The following SSH2 variants were observed in gnomAD, a reference collection of about 807,000 sequenced individuals.
SSH2 encodes the protein protein phosphatase Slingshot homolog 2.
SSH2 carries 37 observed loss-of-function variants against 135.2 expected under a neutral mutation model. The ratio of observed to expected loss-of-function variants is 0.27; its 90% confidence interval spans 0.21 to 0.36. The LOEUF (loss-of-function observed/expected upper bound fraction) is 0.36, where lower values mean the gene tolerates loss of function less well. Ranked by LOEUF, SSH2 falls within the 10% of genes least tolerant of loss-of-function variation. The probability of loss-of-function intolerance (pLI) is 1.00; values close to 1 mark genes in which losing one functional copy is unlikely to be tolerated. For missense variants in SSH2, 1,408 were observed against 1,765.3 expected (o/e 0.80, Z 3.63); for synonymous variants, 628 against 646.2 (o/e 0.97, Z 0.43).
chr17:29,908,297 A>T (rs2066693848), intron 1 of SSH2, among the ~76,000 whole-genome samples: 1 of 151,836 alleles, frequency 6.6e-6, no homozygotes, highest in Non-Finnish European at 1.5e-5. Flanking sequence ...CCAAAAAAAT[A>T]AAAAATAAAT....
intron 3 of SSH2, among the ~76,000 whole-genome samples, chr17:29,783,786 G>T (rs184697247): frequency 6.6e-6 from 1 of 152,118 alleles, no homozygotes; most frequent in Admixed American, 6.6e-5. Context: ...AATTGGGGGG[G>T]CCGGGCGCGG....
At chr17:29,749,331 G>A (rs1286423912) in intron 3 of SSH2, among the ~76,000 whole-genome samples, 1 of 152,130 alleles carries the variant, frequency 6.6e-6, no homozygotes. Flanking sequence ...TTATCATTGC[G>A]TGAACATCAT....
At chr17:29,643,643 AC>A (rs2036256397) in intron 14 of SSH2, among the ~76,000 whole-genome samples, 1 of 151,978 alleles carries the variant, frequency 6.6e-6, no homozygotes, top group African/African-American at 2.4e-5. Flanking sequence ...GTAGGCGCCT[AC>A]CACCATGCCT....
chr17:29,819,180 C>T (rs184376559), intron 2 of SSH2, among the ~76,000 whole-genome samples: 185 of 151,868 alleles, frequency 1.2e-3, no homozygotes, highest in African/African-American at 4.3e-3. Context: ...GAGCCAAGAT[C>T]GCGCCATTGA....
At chr17:29,813,772 T>G (rs1357656856) in intron 2 of SSH2, among the ~76,000 whole-genome samples, 5 of 144,218 alleles carry the variant, frequency 3.5e-5, no homozygotes, top group South Asian at 2.2e-4. Flanking sequence ...GAGCTGAGAT[T>G]GCGCCACTGC....
intron 1 of SSH2, among the ~76,000 whole-genome samples, chr17:29,858,008 T>C (rs2065694372): frequency 6.6e-6 from 1 of 152,230 alleles, no homozygotes; most frequent in Non-Finnish European, 1.5e-5. Context: ...TGAGTTATCT[T>C]ACTTAGCATA....
intron 3 of SSH2, among the ~76,000 whole-genome samples, chr17:29,783,314 TATA>T (rs1301872829): frequency 8.9e-6 from 1 of 112,836 alleles, no homozygotes; most frequent in Non-Finnish European, 1.9e-5. Context: ...TTATATAACA[TATA>T]TTATATATAT....
chr17:29,794,556 T>C (rs1257938549), intron 2 of SSH2, among the ~76,000 whole-genome samples: 1 of 152,308 alleles, frequency 6.6e-6, no homozygotes, highest in East Asian at 1.9e-4. Context: ...ATCAATGTCA[T>C]ATAAAAGCAC....
chr17:29,710,538 G>A (rs2039396269), intron 3 of SSH2, among the ~76,000 whole-genome samples: 1 of 152,184 alleles, frequency 6.6e-6, no homozygotes, highest in South Asian at 2.1e-4. Flanking sequence ...TTCTCCTCCT[G>A]ATAAGCCTTC....
chr17:29,659,575 G>A (rs1455674137), intron 11 of SSH2, among the ~76,000 whole-genome samples: 2 of 152,216 alleles, frequency 1.3e-5, no homozygotes, highest in Non-Finnish European at 2.9e-5. Context: ...CTAGGCTGGA[G>A]TGCAGTGGCA....
intron 3 of SSH2, among the ~76,000 whole-genome samples, chr17:29,769,345 G>A (rs989933253): frequency 4.6e-5 from 7 of 152,150 alleles, no homozygotes; most frequent in African/African-American, 1.7e-4. Context: ...CTACCTGACT[G>A]CATCTGGTAT....
At chr17:29,723,999 C>A (rs1008896323) in intron 3 of SSH2, among the ~76,000 whole-genome samples, 6 of 152,156 alleles carry the variant, frequency 3.9e-5, no homozygotes, top group Non-Finnish European at 8.8e-5. Context: ...GGCACAGTAG[C>A]CTCTCTTAGG....
In SSH2 at chr17:29,667,181, T is replaced by C; in HGVS notation, c.852A>G (p.Lys284=). The change falls in exon 10 of 16, where the codon AAA becomes AAG. Residue 284 remains lysine (K), a synonymous_variant. Transcript: ENST00000540801. ...CCTTCTGCATCATGATCTCCCTTAATTTGGTTTTAATTAGCCTTTCTGTTC... is the reference window on the plus strand; with the variant it reads ...CCTTCTGCATCATGATCTCCCTTAACTTGGTTTTAATTAGCCTTTCTGTTC... ...RERTERLIKT[K]LREIMMQKDL... is the part of the protein sequence containing the mutation. The C allele has an allele frequency of 2.5e-6, 4 of 1,613,718 alleles. No homozygotes were observed. The highest frequency in any genetic ancestry group is 3.4e-6 in the Non-Finnish European group (4 of 1,179,742).
At chr17:29,815,425 AT>A (rs2042540806) in intron 2 of SSH2, among the ~76,000 whole-genome samples, 1 of 151,152 alleles carries the variant, frequency 6.6e-6, no homozygotes, top group African/African-American at 2.4e-5. Flanking sequence ...CCTGGCCCCT[AT>A]TTTTTGTATT....
At chr17:29,738,524 CTTAA>C (rs201923314) in intron 3 of SSH2, among the ~76,000 whole-genome samples, 2,195 of 151,148 alleles carry the variant, frequency 0.015, 57 homozygotes, top group African/African-American at 0.049. Context: ...TTCTCTGAGG[CTTAA>C]TTTTCTTTTT....
chr17:29,846,926 A>T (rs1291842093), intron 2 of SSH2, among the ~76,000 whole-genome samples: 1 of 152,230 alleles, frequency 6.6e-6, no homozygotes, highest in Non-Finnish European at 1.5e-5. Context: ...GTTGGAAGAG[A>T]TCAAGTCAAG....
At chr17:29,761,325 T>C in intron 3 of SSH2, 1 of 1,148,770 alleles carries the variant, frequency 8.7e-7, no homozygotes, top group Non-Finnish European at 1.1e-6. Context: ...TCTGCTCTGC[T>C]CCGGCACGAG....
intron 3 of SSH2, among the ~76,000 whole-genome samples, chr17:29,742,501 C>T (rs2449898): frequency 0.64 from 73,102 of 113,454 alleles, 22,141 homozygotes; most frequent in African/African-American, 0.81. Flanking sequence ...TTTTTTTTTT[C>T]TTTTCAATTT....
intron 14 of SSH2, chr17:29,641,769 G>A (rs2036170238): frequency 6.6e-6 from 1 of 152,012 alleles, no homozygotes; most frequent in Non-Finnish European, 1.5e-5. Context: ...CTTTCATATT[G>A]TTACGTGTTT....
Sources: allele counts gnomAD v4.1 joint callset (sites outside exome capture counted in the v4.1 genomes callset), GRCh38; gene constraint gnomAD v4.1.1; transcripts MANE v1.5; gene names NCBI Gene and HGNC (gene_info 2026-07-23, HGNC 2026-07-21).